The following PTPRD variants were observed in gnomAD, a reference collection of about 807,000 sequenced individuals.
PTPRD encodes the protein protein tyrosine phosphatase receptor type D, also known as receptor-type tyrosine-protein phosphatase delta.
In PTPRD, 34 loss-of-function variants were observed where a neutral mutation model predicts 214.5. The ratio of observed to expected loss-of-function variants is 0.16; its 90% confidence interval spans 0.12 to 0.21. The LOEUF (loss-of-function observed/expected upper bound fraction) is 0.21, where lower values mean the gene tolerates loss of function less well. Among genes scored for constraint, PTPRD ranks in the 10% least tolerant of loss-of-function variants. The pLI is 1.00. For missense variants in PTPRD, 2,545 were observed against 2,398.7 expected, an observed-to-expected ratio of 1.06 and a Z score of -1.27; for synonymous variants, 1,128 against 845.7, an observed-to-expected ratio of 1.33 and a Z score of -5.79.
intron 9 of PTPRD, among the ~76,000 whole-genome samples, chr9:9,354,067 T>C (rs533487264): frequency 6.6e-6 from 1 of 151,908 alleles, no homozygotes; most frequent in African/African-American, 2.4e-5. Context: ...GGCCTCCTTC[T>C]TCTATGAAGC....
chr9:10,041,918 C>A (rs1435640774), intron 3 of PTPRD, among the ~76,000 whole-genome samples: 1 of 151,994 alleles, frequency 6.6e-6, no homozygotes, highest in Admixed American at 6.6e-5. Flanking sequence ...AAATAACATC[C>A]TCCTTAGAAG....
rs537193722 is a variant in PTPRD at position 9,573,488 on chromosome 9, G to A, written c.-237+1244C>T. Among the ~76,000 whole-genome samples, 7 of 150,858 alleles carry A rather than the reference G, an allele frequency of 4.6e-5. No homozygotes were observed. The South Asian group carries it at 6.3e-4, about 13-fold the overall frequency. Reference sequence around the variant, plus strand: ...TTTTGTAACAATTCACTAAAACTGCGCACTTAAGATATAAGTAATTTTCTC... The same window carrying A: ...TTTTGTAACAATTCACTAAAACTGCACACTTAAGATATAAGTAATTTTCTC... On this transcript the variant is annotated intron_variant, in intron 8 of 45. Transcript: ENST00000381196.
At chr9:10,372,367 G>C (rs939363291) in intron 2 of PTPRD, among the ~76,000 whole-genome samples, 114 of 152,136 alleles carry the variant, frequency 7.5e-4, no homozygotes, top group African/African-American at 2.7e-3. Flanking sequence ...TTTCTGATTA[G>C]TATTCCTTTT....
intron 11 of PTPRD, among the ~76,000 whole-genome samples, chr9:8,980,840 G>A (rs1024728224): frequency 1.3e-5 from 2 of 151,736 alleles, no homozygotes; most frequent in African/African-American, 4.8e-5. Context: ...ATCATGTAGG[G>A]CAAAGGGTGG....
At chr9:8,410,773 T>C (rs531976396) in intron 35 of PTPRD, among the ~76,000 whole-genome samples, 1 of 152,316 alleles carries the variant, frequency 6.6e-6, no homozygotes, top group South Asian at 2.1e-4. Flanking sequence ...ATGGTTGCAT[T>C]TGAAATTTTG....
Position 8,518,031 on chromosome 9 carries a change from A to G in PTPRD, c.1360T>C (p.Tyr454His), listed in dbSNP as rs1564006182. The G allele has an allele frequency of 1.2e-6, 2 of 1,614,196 alleles. No individual in the cohort carries two copies. Among genetic ancestry groups the G allele is most frequent in the Non-Finnish European group, 1.7e-6 (2 of 1,180,018 alleles). Reference protein sequence around the residue: ...PNGQIQGYRVYYTMDPTQHVN... With the variant: ...PNGQIQGYRVHYTMDPTQHVN... ...TGTTGAGTGGGATCCATTGTATAAT[A>G]AACTCTATATCCTTGGATCTGTCCA... The change falls in exon 21 of 46, where the codon TAT becomes CAT. Residue 454 changes from tyrosine to histidine, a missense_variant. Coordinates refer to ENST00000381196, the MANE Select transcript of PTPRD (RefSeq NM_002839.4).
intron 7 of PTPRD, among the ~76,000 whole-genome samples, chr9:9,719,995 C>G (rs2097908081): frequency 1.3e-5 from 2 of 152,128 alleles, no homozygotes; most frequent in Admixed American, 6.5e-5. Flanking sequence ...CCTTGCCACT[C>G]CACACCTGGC....
rs1230099299 is a variant in PTPRD at position 10,174,044 on chromosome 9, G to C, written c.-544-140254C>G. ...CTATTTAGAACTCTATGTCTGAGCAGTAATGAGCTTTTGTTTGGCATCACT... is the reference window on the plus strand; with the variant it reads ...CTATTTAGAACTCTATGTCTGAGCACTAATGAGCTTTTGTTTGGCATCACT... On this transcript the variant is annotated intron_variant, in intron 3 of 45. Coordinates refer to ENST00000381196, the MANE Select transcript of PTPRD (RefSeq NM_002839.4). 2.6e-5 allele frequency among the ~76,000 whole-genome samples: 4 copies of C among 152,244 alleles called. No individual in the cohort carries two copies. The East Asian group carries it at 5.8e-4, about 22-fold the overall frequency.
chr9:9,511,445 T>G (rs1018694687), intron 8 of PTPRD, among the ~76,000 whole-genome samples: 1 of 151,728 alleles, frequency 6.6e-6, no homozygotes, highest in African/African-American at 2.4e-5. Flanking sequence ...TTGTTATCCA[T>G]GTAATAAATA....
At chr9:9,770,493 T>C (rs2098743536) in intron 5 of PTPRD, among the ~76,000 whole-genome samples, 1 of 152,192 alleles carries the variant, frequency 6.6e-6, no homozygotes, top group Non-Finnish European at 1.5e-5. Context: ...ATATGTTCAG[T>C]GCCTTGAAAT....
chr9:9,211,922 G>C (rs2099949041), intron 9 of PTPRD, among the ~76,000 whole-genome samples: 1 of 151,920 alleles, frequency 6.6e-6, no homozygotes, highest in Non-Finnish European at 1.5e-5. Context: ...ACCAGTTCTA[G>C]AAAATTTTAA....
chr9:9,279,471 C>A (rs1204760110), intron 9 of PTPRD, among the ~76,000 whole-genome samples: 1 of 149,822 alleles, frequency 6.7e-6, no homozygotes, highest in Non-Finnish European at 1.5e-5. Flanking sequence ...CTTCTTTTCC[C>A]TTTCTTAATG....
At chr9:10,520,588 T>C (rs2051855674) in intron 2 of PTPRD, among the ~76,000 whole-genome samples, 1 of 152,220 alleles carries the variant, frequency 6.6e-6, no homozygotes, top group South Asian at 2.1e-4. Flanking sequence ...AGACTTCTAT[T>C]GGAAGAAGCA....
intron 11 of PTPRD, among the ~76,000 whole-genome samples, chr9:8,937,142 T>C (rs1015560914): frequency 3.9e-5 from 6 of 152,170 alleles, no homozygotes; most frequent in African/African-American, 1.4e-4. Flanking sequence ...ATTAGCTATA[T>C]TGTGTTGAGT....
At position 9,153,221 on chromosome 9, in the gene PTPRD, A is replaced by G. The variant is rs371783243; in HGVS notation, c.-143+30083T>C. 6.3e-4 allele frequency among the ~76,000 whole-genome samples: 96 copies of G among 152,342 alleles called. 1 individual carries two copies. The South Asian group carries it at 0.019, about 30-fold the overall frequency. On this transcript the variant is annotated intron_variant, in intron 10 of 45. Coordinates refer to ENST00000381196, the MANE Select transcript of PTPRD (RefSeq NM_002839.4). ...AATAGCATCAGCTTCTATAACCATA[A>G]TAAACAAACAAACAAGTAAATATAA... is the stretch of plus-strand genomic sequence containing the variant.
intron 5 of PTPRD, among the ~76,000 whole-genome samples, chr9:9,832,133 C>G (rs2055066978): frequency 1.3e-5 from 2 of 151,892 alleles, no homozygotes; most frequent in African/African-American, 4.8e-5. Context: ...CATAAGTGAG[C>G]CAAGCTGGTG....
At chr9:9,533,939 C>G (rs1205974413) in intron 8 of PTPRD, among the ~76,000 whole-genome samples, 1 of 151,854 alleles carries the variant, frequency 6.6e-6, no homozygotes, top group African/African-American at 2.4e-5. Flanking sequence ...AGATGTAATT[C>G]AATTCATAAT....
chr9:9,539,191 T>G (rs1208391097), intron 8 of PTPRD, among the ~76,000 whole-genome samples: 3 of 151,810 alleles, frequency 2.0e-5, no homozygotes, highest in Non-Finnish European at 4.4e-5. Context: ...GAGACCTAAA[T>G]GAAAAGGAGT....
chr9:9,337,255 A>T (rs1044860002), intron 9 of PTPRD, among the ~76,000 whole-genome samples: 1 of 152,152 alleles, frequency 6.6e-6, no homozygotes, highest in Non-Finnish European at 1.5e-5. Flanking sequence ...TAAAGAAACA[A>T]TGTATCCAAA....
Sources: allele counts gnomAD v4.1 joint callset (sites outside exome capture counted in the v4.1 genomes callset), GRCh38; gene constraint gnomAD v4.1.1; transcripts MANE v1.5; gene names NCBI Gene and HGNC (gene_info 2026-07-23, HGNC 2026-07-21).